The following KCNIP3 variants were observed in gnomAD, a reference collection of about 807,000 sequenced individuals.
KCNIP3 encodes the protein calsenilin.
Under a neutral mutation model 35.0 loss-of-function variants are expected in KCNIP3, and 28 were observed. The observed-to-expected ratio is 0.80, with a 90% confidence interval of 0.59 to 1.10. The LOEUF (loss-of-function observed/expected upper bound fraction) is 1.10, where lower values mean the gene tolerates loss of function less well. KCNIP3 is among the 50% of genes least tolerant of loss of function. The pLI is 0.00. For missense variants in KCNIP3, 295 were observed against 338.4 expected (o/e 0.87, Z 1.01); for synonymous variants, 134 against 133.8 (o/e 1.00, Z -0.01).
intron 5 of KCNIP3, among the ~76,000 whole-genome samples, chr2:95,379,621 T>G (rs554329787): frequency 1.2e-4 from 19 of 152,368 alleles, no homozygotes; most frequent in Middle Eastern, 3.4e-3. Flanking sequence ...TTGGAGCGTT[T>G]GAGCACCTGG....
intron 2 of KCNIP3, among the ~76,000 whole-genome samples, chr2:95,322,510 A>G (rs190677150): frequency 1.6e-4 from 24 of 152,274 alleles, no homozygotes; most frequent in Non-Finnish European, 2.8e-4. Flanking sequence ...CAGTCTCCTC[A>G]TCCATCAAAT....
At position 95,374,286 on chromosome 2, in the gene KCNIP3, C is replaced by G. The variant is rs1680116082; in HGVS notation, c.182-10C>G. The stretch of plus-strand genomic sequence containing the variant: ...AGGCCTTACACTCTCTGGTCTGTGT[C>G]CCACTCCAGATAGCAGCGACAGTGA... On this transcript the variant is annotated splice_polypyrimidine_tract_variant and intron_variant, in intron 2 of 8. Transcript: ENST00000295225. 2 of 1,613,150 alleles carry G rather than the reference C, an allele frequency of 1.2e-6. No individual in the cohort carries two copies. Among genetic ancestry groups the G allele is most frequent in the Non-Finnish European group, 1.7e-6 (2 of 1,179,610 alleles).
At chr2:95,365,983 T>G (rs531600961) in intron 2 of KCNIP3, among the ~76,000 whole-genome samples, 2 of 152,184 alleles carry the variant, frequency 1.3e-5, no homozygotes, top group African/African-American at 4.8e-5. Flanking sequence ...TTTTAATTTT[T>G]ATTTACTTAC....
intron 2 of KCNIP3, among the ~76,000 whole-genome samples, chr2:95,335,721 A>G (rs1224889390): frequency 6.6e-6 from 1 of 152,160 alleles, no homozygotes; most frequent in Non-Finnish European, 1.5e-5. Flanking sequence ...TATTTTTAAA[A>G]TTATTATCAT....
At chr2:95,309,944 G>C (rs888378112) in intron 1 of KCNIP3, among the ~76,000 whole-genome samples, 1 of 152,204 alleles carries the variant, frequency 6.6e-6, no homozygotes, top group South Asian at 2.1e-4. Context: ...GGAGCCAGAC[G>C]TGGCTGTGTG....
At chr2:95,356,188 G>T (rs1679652980) in intron 2 of KCNIP3, among the ~76,000 whole-genome samples, 1 of 152,052 alleles carries the variant, frequency 6.6e-6, no homozygotes, top group South Asian at 2.1e-4. Flanking sequence ...CTTTTTGATG[G>T]GGTTGTTTGT....
chr2:95,349,361 T>C (rs1253186542), intron 2 of KCNIP3, among the ~76,000 whole-genome samples: 1 of 152,206 alleles, frequency 6.6e-6, no homozygotes, highest in Non-Finnish European at 1.5e-5. Flanking sequence ...TCTCTGAGCC[T>C]CCGTGGTTCT....
intron 1 of KCNIP3, among the ~76,000 whole-genome samples, chr2:95,301,428 T>C (rs1678024676): frequency 6.6e-6 from 1 of 152,234 alleles, no homozygotes; most frequent in African/African-American, 2.4e-5. Flanking sequence ...GAGCCCTGAC[T>C]GCACCAGCAG....
At chr2:95,336,651 C>T (rs982069623) in intron 2 of KCNIP3, among the ~76,000 whole-genome samples, 20 of 152,124 alleles carry the variant, frequency 1.3e-4, no homozygotes, top group African/African-American at 4.6e-4. Flanking sequence ...GATTTACTTA[C>T]CTCCCTATAA....
chr2:95,325,871 ACACT>A (rs1678751033), intron 2 of KCNIP3, among the ~76,000 whole-genome samples: 3 of 151,078 alleles, frequency 2.0e-5, no homozygotes, highest in Admixed American at 6.6e-5. Flanking sequence ...AGGCACACAT[ACACT>A]CAGACATACA....
Position 95,359,741 on chromosome 2 carries a change from G to A in KCNIP3, c.182-14555G>A, listed in dbSNP as rs912900761. On this transcript the variant is annotated intron_variant, in intron 2 of 8. Transcript: ENST00000295225. ...CCTCCACTGCTCTTGAACTCTGTGT[G>A]CCTGCAGAATTAGCACCACATGGAT... Among the ~76,000 whole-genome samples, 4 of 152,260 alleles carry A rather than the reference G, an allele frequency of 2.6e-5. No individual in the cohort carries two copies. The South Asian group carries it at 6.2e-4, about 24-fold the overall frequency.
At chr2:95,372,110 A>T (rs1450276774) in intron 2 of KCNIP3, among the ~76,000 whole-genome samples, 1 of 152,106 alleles carries the variant, frequency 6.6e-6, no homozygotes, top group Non-Finnish European at 1.5e-5. Flanking sequence ...CAGCCTTAAT[A>T]TATCTTTGTA....
chr2:95,370,326 C>T lies in KCNIP3; in HGVS notation c.182-3970C>T, dbSNP rs79807476. On this transcript the variant is annotated intron_variant, in intron 2 of 8. Transcript: ENST00000295225. ...TCACAGACTTTATTTTAGGCTTTGT[C>T]AGAGTAGGTTTGTTTTGACTTTGTC... 3.5e-3 allele frequency among the ~76,000 whole-genome samples: 532 copies of T among 152,290 alleles called. 4 individuals carry two copies. The highest frequency in any genetic ancestry group is 0.012 in the African/African-American group (508 of 41,564).
chr2:95,346,632 G>T (rs917282046), intron 2 of KCNIP3: 12 of 144,860 alleles, frequency 8.3e-5, no homozygotes, highest in African/African-American at 3.0e-4. Flanking sequence ...GCGCCCCGGC[G>T]CCCGCGGGGC....
At chr2:95,373,414 GTTTTTT>G (rs70964869) in intron 2 of KCNIP3, among the ~76,000 whole-genome samples, 7 of 59,984 alleles carry the variant, frequency 1.2e-4, no homozygotes, top group Non-Finnish European at 2.0e-4. Flanking sequence ...CAAGTTTGTG[GTTTTTT>G]TTTTTTTTTT....
At chr2:95,374,997 G>T in intron 4 of KCNIP3, 80 bp downstream of exon 4, 5 of 1,536,050 alleles carry the variant, frequency 3.3e-6, no homozygotes, top group Non-Finnish European at 4.5e-6. Flanking sequence ...CATCCTGGAG[G>T]CTTGGTGCTG....
intron 2 of KCNIP3, among the ~76,000 whole-genome samples, chr2:95,355,449 A>G (rs1407003854): frequency 6.6e-6 from 1 of 152,020 alleles, no homozygotes; most frequent in Non-Finnish European, 1.5e-5. Context: ...GCACTCATCA[A>G]CTCATCATTT....
At chr2:95,375,981 G>A (rs1186807050) in intron 5 of KCNIP3, among the ~76,000 whole-genome samples, 3 of 152,228 alleles carry the variant, frequency 2.0e-5, no homozygotes, top group African/African-American at 7.2e-5. Context: ...GAAGGCCCCG[G>A]CCACACGGGG....
chr2:95,355,860 C>T (rs990991594), intron 2 of KCNIP3, among the ~76,000 whole-genome samples: 1 of 152,132 alleles, frequency 6.6e-6, no homozygotes, highest in African/African-American at 2.4e-5. Flanking sequence ...GGTATATAAC[C>T]AGTAATGGGA....
Sources: gnomAD v4.1 joint callset for allele counts (sites outside exome capture counted in the v4.1 genomes callset) on GRCh38, gnomAD v4.1.1 for gene constraint, MANE v1.5 for transcripts, NCBI Gene and HGNC (gene_info 2026-07-23, HGNC 2026-07-21) for gene names.